The following DYM variants were observed in gnomAD, a reference collection of about 807,000 sequenced individuals.
The protein encoded by DYM is dymeclin.
Under a neutral mutation model 93.1 loss-of-function variants are expected in DYM, and 78 were observed. The observed-to-expected ratio is 0.84, with a 90% CI of 0.70 to 1.01. The LOEUF is 1.01. DYM is among the 50% of genes least tolerant of loss of function. The pLI, the probability that DYM is intolerant of heterozygous loss-of-function variation, is 0.00. For synonymous variants in DYM, 321 were observed against 319.7 expected, an observed-to-expected ratio of 1.00 and a Z score of -0.04; for missense variants, 789 against 845.0, an observed-to-expected ratio of 0.93 and a Z score of 0.82.
chr18:49,424,189 C>T (rs2074027880), intron 2 of DYM, among the ~76,000 whole-genome samples: 1 of 152,132 alleles, frequency 6.6e-6, no homozygotes, highest in Non-Finnish European at 1.5e-5. Context: ...CATCAAAAAG[C>T]TTATCCACCA....
chr18:49,218,750 A>G (rs1404155654), intron 13 of DYM, among the ~76,000 whole-genome samples: 2 of 152,204 alleles, frequency 1.3e-5, no homozygotes, highest in African/African-American at 4.8e-5. Context: ...GGACACATTC[A>G]AAGCAGTGTG....
chr18:49,044,918 A>G (rs1175956912), intron 17 of DYM, among the ~76,000 whole-genome samples: 3 of 152,282 alleles, frequency 2.0e-5, no homozygotes, highest in African/African-American at 7.2e-5. Context: ...GGAGTCGTGC[A>G]GCTCAGTGGC....
intron 8 of DYM, among the ~76,000 whole-genome samples, chr18:49,304,463 C>T (rs77644153): frequency 0.026 from 3,902 of 152,276 alleles, 70 homozygotes; most frequent in Non-Finnish European, 0.041. Context: ...CTGGAGCACA[C>T]ATTTTCATTA....
At chr18:49,294,095 G>A (rs1185705965) in intron 8 of DYM, among the ~76,000 whole-genome samples, 2 of 152,098 alleles carry the variant, frequency 1.3e-5, no homozygotes, top group African/African-American at 4.8e-5. Flanking sequence ...TTGCTTGTTT[G>A]TGTCAGGTTT....
At chr18:49,077,322 C>G (rs144889562) in intron 17 of DYM, among the ~76,000 whole-genome samples, 21 of 152,296 alleles carry the variant, frequency 1.4e-4, no homozygotes, top group African/African-American at 5.1e-4. Context: ...CTCAGTTTTG[C>G]CTTTTCTAGC....
intron 8 of DYM, among the ~76,000 whole-genome samples, chr18:49,317,895 G>A (rs948523839): frequency 6.6e-6 from 1 of 151,852 alleles, no homozygotes; most frequent in African/African-American, 2.4e-5. Flanking sequence ...TGAGGGTGCA[G>A]GTACAATAAG....
At chr18:49,205,638 A>G (rs2092435060) in intron 14 of DYM, among the ~76,000 whole-genome samples, 1 of 152,198 alleles carries the variant, frequency 6.6e-6, no homozygotes, top group South Asian at 2.1e-4. Context: ...GCTGTCAGGA[A>G]TGGTTTAAGT....
At chr18:49,165,869 AAAG>A (rs1197358031) in intron 14 of DYM, among the ~76,000 whole-genome samples, 1 of 152,194 alleles carries the variant, frequency 6.6e-6, no homozygotes, top group African/African-American at 2.4e-5. Flanking sequence ...ATGTCTTGAA[AAAG>A]AAGAAAGAGT....
intron 13 of DYM, among the ~76,000 whole-genome samples, chr18:49,255,686 A>AG (rs1568113343): frequency 6.6e-6 from 1 of 151,050 alleles, no homozygotes; most frequent in African/African-American, 2.4e-5. Flanking sequence ...AAAAAAAAAA[A>AG]AAGAAGAAGA....
intron 17 of DYM, among the ~76,000 whole-genome samples, chr18:49,052,794 C>G (rs7244562): frequency 0.025 from 3,791 of 152,270 alleles, 149 homozygotes; most frequent in African/African-American, 0.085. Context: ...GCTTTGAGGA[C>G]TTAGACTAAA....
chr18:49,218,304 T>C (rs1419207863), intron 13 of DYM, among the ~76,000 whole-genome samples: 10 of 152,158 alleles, frequency 6.6e-5, no homozygotes, highest in Admixed American at 2.6e-4. Context: ...ACAATAATAA[T>C]GGGAGACTTT....
chr18:49,176,226 T>C, intron 14 of DYM, among the ~76,000 whole-genome samples: 1 of 152,136 alleles, frequency 6.6e-6, no homozygotes. Flanking sequence ...TTATTACTGA[T>C]AAAATATGTT....
At chr18:49,164,836 A>G (rs1185997659) in intron 14 of DYM, among the ~76,000 whole-genome samples, 1 of 152,226 alleles carries the variant, frequency 6.6e-6, no homozygotes, top group African/African-American at 2.4e-5. Flanking sequence ...GCCATGCTTT[A>G]GGAGTCAGAC....
At chr18:49,203,341 G>A (rs1309558753) in intron 14 of DYM, among the ~76,000 whole-genome samples, 2 of 101,266 alleles carry the variant, frequency 2.0e-5, no homozygotes, top group South Asian at 3.8e-4. Flanking sequence ...CCACCACCCC[G>A]TCTGGGAGGT....
intron 13 of DYM, among the ~76,000 whole-genome samples, chr18:49,254,006 T>A (rs2094340470): frequency 6.6e-6 from 1 of 152,108 alleles, no homozygotes; most frequent in Non-Finnish European, 1.5e-5. Context: ...TGAAACTGGT[T>A]ATTTTCTACA....
intron 1 of DYM, among the ~76,000 whole-genome samples, chr18:49,459,916 G>A (rs1458494690): frequency 6.8e-6 from 1 of 146,694 alleles, no homozygotes; most frequent in East Asian, 2.3e-4. Context: ...GCTTCTTTGG[G>A]GCGGGGGGGG....
At chr18:49,298,644 T>C (rs2060709978) in intron 8 of DYM, among the ~76,000 whole-genome samples, 2 of 151,812 alleles carry the variant, frequency 1.3e-5, no homozygotes, top group South Asian at 4.1e-4. Flanking sequence ...ATATATGTCA[T>C]ATGGAAGTTT....
At chr18:49,416,723 T>C (rs2073031947) in intron 2 of DYM, among the ~76,000 whole-genome samples, 1 of 152,168 alleles carries the variant, frequency 6.6e-6, no homozygotes, top group Admixed American at 6.5e-5. Flanking sequence ...GCCCTAGTTT[T>C]TCTTCCTGCA....
intron 16 of DYM, chr18:49,114,386 A>C (rs1429374282): frequency 9.8e-6 from 2 of 205,110 alleles, no homozygotes; most frequent in African/African-American, 4.7e-5. Flanking sequence ...TTTTCACTGC[A>C]TACAGGTGAA....
Sources: allele counts gnomAD v4.1 joint callset (sites outside exome capture counted in the v4.1 genomes callset), GRCh38; gene constraint gnomAD v4.1.1; transcripts MANE v1.5; gene names NCBI Gene and HGNC (gene_info 2026-07-23, HGNC 2026-07-21).